NRXN1: variants seen among roughly 807,000 people sequenced by gnomAD.
NRXN1 encodes neurexin-1.
In NRXN1, 39 loss-of-function variants were observed where a neutral mutation model predicts 150.9. The observed-to-expected ratio is 0.26, with a 90% CI of 0.20 to 0.34. The LOEUF (loss-of-function observed/expected upper bound fraction) is 0.34. NRXN1 is among the 10% of genes least tolerant of loss of function. NRXN1 has a pLI of 1.00. For missense variants in NRXN1, 1,815 were observed against 1,949.9 expected (o/e 0.93, Z 1.30); for synonymous variants, 924 against 757.0 (o/e 1.22, Z -3.62).
chr2:50,474,839 C>CCCAAAAA (rs1558795095), intron 15 of NRXN1, among the ~76,000 whole-genome samples: 1 of 108,852 alleles, frequency 9.2e-6, no homozygotes, highest in African/African-American at 3.6e-5. Context: ...GCCCCCCTAC[C>CCCAAAAA]AAAAAAAAAA....
At chr2:50,360,048 A>G (rs1447742145) in intron 17 of NRXN1, among the ~76,000 whole-genome samples, 1 of 152,216 alleles carries the variant, frequency 6.6e-6, no homozygotes, top group African/African-American at 2.4e-5. Context: ...TTTACAGACA[A>G]GCAAATGCTG....
intron 18 of NRXN1, chr2:50,207,460 T>C (rs914226149): frequency 1.3e-5 from 2 of 152,160 alleles, no homozygotes; most frequent in African/African-American, 2.4e-5. Flanking sequence ...ACTTAATATA[T>C]ACAATTAAGA....
chr2:50,523,239 A>T (rs2092846637), intron 12 of NRXN1, among the ~76,000 whole-genome samples: 1 of 152,172 alleles, frequency 6.6e-6, no homozygotes, highest in South Asian at 2.1e-4. Context: ...CAACAACAAA[A>T]AACAACGAGA....
At chr2:50,753,895 A>G (rs1700884497) in intron 5 of NRXN1, among the ~76,000 whole-genome samples, 1 of 146,482 alleles carries the variant, frequency 6.8e-6, no homozygotes, top group Non-Finnish European at 1.5e-5. Context: ...AACCAAAAGG[A>G]AGTCATTTAG....
chr2:50,923,203 G>A (rs896147908), intron 3 of NRXN1, among the ~76,000 whole-genome samples: 1 of 151,836 alleles, frequency 6.6e-6, no homozygotes, highest in Admixed American at 6.6e-5. Flanking sequence ...ATGCAGAAAT[G>A]TCTCCTTGTC....
intron 17 of NRXN1, among the ~76,000 whole-genome samples, chr2:50,423,421 T>C (rs1020986930): frequency 6.6e-6 from 1 of 152,128 alleles, no homozygotes; most frequent in Admixed American, 6.5e-5. Flanking sequence ...TACCCTTCAA[T>C]GCTGTTTGGC....
chr2:50,569,054 C>T (rs1326876964), intron 8 of NRXN1, among the ~76,000 whole-genome samples: 2 of 151,874 alleles, frequency 1.3e-5, no homozygotes, highest in South Asian at 2.1e-4. Flanking sequence ...GAAAGGCAAA[C>T]GTTGCATGTT....
intron 21 of NRXN1, among the ~76,000 whole-genome samples, chr2:49,997,967 C>T (rs763026869): frequency 6.6e-6 from 1 of 152,132 alleles, no homozygotes; most frequent in African/African-American, 2.4e-5. Context: ...ACCACCACTT[C>T]AGGGATTTTT....
chr2:50,698,694 C>G (rs1478192754), intron 5 of NRXN1, among the ~76,000 whole-genome samples: 1 of 151,998 alleles, frequency 6.6e-6, no homozygotes, highest in Non-Finnish European at 1.5e-5. Flanking sequence ...ATGTGAAAAC[C>G]ACTGAAACAG....
intron 21 of NRXN1, among the ~76,000 whole-genome samples, chr2:50,010,351 A>C (rs1215134295): frequency 6.6e-6 from 1 of 152,022 alleles, no homozygotes; most frequent in African/African-American, 2.4e-5. Context: ...GTTCTCCTTT[A>C]CTCCTGCTGT....
chr2:50,233,937 A>C (rs977560807), intron 18 of NRXN1, among the ~76,000 whole-genome samples: 1 of 152,096 alleles, frequency 6.6e-6, no homozygotes, highest in African/African-American at 2.4e-5. Flanking sequence ...TATTAAGAAC[A>C]GTTCTGCTTC....
chr2:51,027,995 G>A lies in NRXN1; in HGVS notation c.279C>T (p.Phe93=), dbSNP rs200797922. The A allele has an allele frequency of 1.9e-6, 3 of 1,600,796 alleles. No homozygotes were observed. The highest frequency in any genetic ancestry group is 2.2e-5 in the East Asian group (1 of 44,804). ...LTRGGRLQLS[F]SIFCAEPATL... Reference sequence around the variant, plus strand: ...TCGCAGGCTCAGCGCAGAAGATGGAGAAGCTGAGCTGCAGGCGGCCGCCGC... The same window carrying A: ...TCGCAGGCTCAGCGCAGAAGATGGAAAAGCTGAGCTGCAGGCGGCCGCCGC... The change falls in exon 2 of 23, where the codon TTC becomes TTT. Residue 93 remains phenylalanine, a synonymous_variant. Transcript: ENST00000401669.
At chr2:50,932,978 A>T (rs530516774) in intron 2 of NRXN1, among the ~76,000 whole-genome samples, 72 of 152,198 alleles carry the variant, frequency 4.7e-4, no homozygotes, top group African/African-American at 1.5e-3. Context: ...TATTAAAGAA[A>T]AAAAAAGGCT....
intron 17 of NRXN1, among the ~76,000 whole-genome samples, chr2:50,261,799 A>G (rs2152912732): frequency 6.6e-6 from 1 of 152,022 alleles, no homozygotes; most frequent in Admixed American, 6.6e-5. Context: ...TCCTTGTCCT[A>G]TGTGAAAATG....
chr2:50,984,485 T>C (rs1412863015), intron 2 of NRXN1, among the ~76,000 whole-genome samples: 1 of 152,016 alleles, frequency 6.6e-6, no homozygotes, highest in Non-Finnish European at 1.5e-5. Context: ...CTTTGCCTAA[T>C]ATATGTGCCT....
chr2:50,328,088 G>C (rs1472285976), intron 17 of NRXN1, among the ~76,000 whole-genome samples: 1 of 152,126 alleles, frequency 6.6e-6, no homozygotes, highest in East Asian at 1.9e-4. Context: ...AGAGCATCTT[G>C]AAAAGAATGA....
At chr2:50,621,874 T>C (rs761305436) in intron 6 of NRXN1, among the ~76,000 whole-genome samples, 11 of 152,164 alleles carry the variant, frequency 7.2e-5, no homozygotes, top group Non-Finnish European at 1.6e-4. Flanking sequence ...GTTTAATCTG[T>C]CCTGCTACAC....
At chr2:50,250,069 T>A (rs2066898747) in intron 17 of NRXN1, among the ~76,000 whole-genome samples, 1 of 152,200 alleles carries the variant, frequency 6.6e-6, no homozygotes. Flanking sequence ...GCTACCTTCT[T>A]ACCTCTTAAT....
At chr2:50,677,035 C>T (rs1689647210) in intron 5 of NRXN1, among the ~76,000 whole-genome samples, 1 of 152,108 alleles carries the variant, frequency 6.6e-6, no homozygotes, top group Non-Finnish European at 1.5e-5. Flanking sequence ...TACCATTGTT[C>T]TCATCCTACT....
Sources: allele counts gnomAD v4.1 joint callset (sites outside exome capture counted in the v4.1 genomes callset), GRCh38; gene constraint gnomAD v4.1.1; transcripts MANE v1.5; gene names NCBI Gene and HGNC (gene_info 2026-07-23, HGNC 2026-07-21).